IMMP1L: variants seen among roughly 807,000 people sequenced by gnomAD.
IMMP1L encodes mitochondrial inner membrane protease subunit 1.
In IMMP1L, 24 loss-of-function variants were observed where a neutral mutation model predicts 21.8. That is an observed-to-expected ratio of 1.10 (90% confidence interval 0.80 to 1.55). IMMP1L has a LOEUF of 1.55. IMMP1L is among the 40% of genes most tolerant of loss of function. The pLI, the probability that IMMP1L is intolerant of heterozygous loss-of-function variation, is 0.00. For missense variants in IMMP1L, 195 were observed against 200.7 expected (o/e 0.97, Z 0.17); for synonymous variants, 46 against 62.8 (o/e 0.73, Z 1.26).
At chr11:31,458,106 A>C (rs1489712518) in intron 3 of IMMP1L, among the ~76,000 whole-genome samples, 1 of 152,162 alleles carries the variant, frequency 6.6e-6, no homozygotes, top group African/African-American at 2.4e-5. Context: ...TGACCCTTAA[A>C]ACAAACTTTG....
intron 3 of IMMP1L, among the ~76,000 whole-genome samples, chr11:31,458,235 C>T (rs1029744822): frequency 6.6e-6 from 1 of 152,096 alleles, no homozygotes; most frequent in African/African-American, 2.4e-5. Context: ...GATCAAAATA[C>T]ATATCGGCTG....
chr11:31,451,692 ACT>A lies in IMMP1L; in HGVS notation c.321+4566_321+4567del, dbSNP rs149528407. Among the ~76,000 whole-genome samples, 577 of 152,174 alleles carry A rather than the reference ACT, an allele frequency of 3.8e-3. 5 individuals are homozygous for A. Among genetic ancestry groups the A allele is most frequent in the African/African-American group, 0.013 (550 of 41,512 alleles). ...TGAAGATATTAGACAATTAGACATGACTCTGGAGTTCAGGGAAGAGGTTATAC... is the reference window on the plus strand; with the variant it reads ...TGAAGATATTAGACAATTAGACATGACTGGAGTTCAGGGAAGAGGTTATAC... On this transcript the variant is annotated intron_variant, in intron 4 of 5. Coordinates refer to ENST00000532287, the MANE Select transcript of IMMP1L (RefSeq NM_001304274.2).
intron 4 of IMMP1L, among the ~76,000 whole-genome samples, chr11:31,448,166 G>T (rs996449321): frequency 1.3e-5 from 2 of 152,008 alleles, no homozygotes; most frequent in African/African-American, 4.8e-5. Flanking sequence ...AAAATTAGCC[G>T]GGCATGGTGG....
chr11:31,436,678 C>T (rs1354764256), intron 4 of IMMP1L, among the ~76,000 whole-genome samples: 1 of 151,998 alleles, frequency 6.6e-6, no homozygotes, highest in Non-Finnish European at 1.5e-5. Context: ...GCAATCCACC[C>T]GCCTCAGCCT....
At chr11:31,454,147 CTGTATACTTATAAATT>C (rs1196020350) in intron 4 of IMMP1L, among the ~76,000 whole-genome samples, 5 of 152,088 alleles carry the variant, frequency 3.3e-5, no homozygotes, top group Non-Finnish European at 7.4e-5. Context: ...GAATGATGTA[CTGTATACTTATAAATT>C]TGTCCAACAA....
chr11:31,435,588 A>G (rs1953091391), intron 4 of IMMP1L, among the ~76,000 whole-genome samples: 1 of 152,230 alleles, frequency 6.6e-6, no homozygotes, highest in Non-Finnish European at 1.5e-5. Context: ...GCAAAAAATG[A>G]TACCTTTGTC....
chr11:31,508,359 GTC>G (rs1166741883), intron 1 of IMMP1L, among the ~76,000 whole-genome samples: 4 of 152,002 alleles, frequency 2.6e-5, no homozygotes, highest in African/African-American at 7.3e-5. Context: ...ATTACCATAG[GTC>G]TAAAATGACA....
At chr11:31,464,475 A>G (rs931534725) in intron 1 of IMMP1L, among the ~76,000 whole-genome samples, 1 of 152,140 alleles carries the variant, frequency 6.6e-6, no homozygotes, top group African/African-American at 2.4e-5. Context: ...TGCCCAAACC[A>G]GATGCAGGAA....
chr11:31,463,442 G>T, intron 1 of IMMP1L, 137 bp from the exon 2 acceptor site: 2 of 730,170 alleles, frequency 2.7e-6, no homozygotes, highest in Non-Finnish European at 4.1e-6. Flanking sequence ...CCAAGAGTTT[G>T]TTATCAGTTC....
intron 4 of IMMP1L, among the ~76,000 whole-genome samples, chr11:31,455,493 CT>C (rs1191765724): frequency 6.6e-6 from 1 of 152,160 alleles, no homozygotes; most frequent in African/African-American, 2.4e-5. Flanking sequence ...TGTTCTTGCA[CT>C]TTTTCTAGCT....
chr11:31,452,494 C>T (rs1452867569), intron 4 of IMMP1L: 1 of 985,370 alleles, frequency 1.0e-6, no homozygotes. Flanking sequence ...TTCTTATTTG[C>T]TACATGCTCC....
At chr11:31,434,376 C>A (rs2133528662) in intron 4 of IMMP1L, among the ~76,000 whole-genome samples, 1 of 152,092 alleles carries the variant, frequency 6.6e-6, no homozygotes. Context: ...TATTTCTGTT[C>A]AATGTAAACT....
intron 1 of IMMP1L, among the ~76,000 whole-genome samples, chr11:31,483,989 G>C (rs1954985532): frequency 1.3e-5 from 2 of 151,456 alleles, no homozygotes; most frequent in African/African-American, 4.8e-5. Flanking sequence ...AGATAAGCTA[G>C]GAAAGATCAT....
At chr11:31,460,581 G>GGC in intron 3 of IMMP1L, 45 bp downstream of exon 3, 1 of 1,163,704 alleles carries the variant, frequency 8.6e-7, no homozygotes, top group Non-Finnish European at 1.3e-6. Context: ...CAATGTGTGT[G>GGC]TGTATTTTCA....
intron 1 of IMMP1L, among the ~76,000 whole-genome samples, chr11:31,472,365 T>G (rs2133712296): frequency 6.6e-6 from 1 of 152,302 alleles, no homozygotes; most frequent in Non-Finnish European, 1.5e-5. Context: ...CTTATTAGAA[T>G]CAGAAACTTA....
At chr11:31,448,584 T>A (rs564552554) in intron 4 of IMMP1L, among the ~76,000 whole-genome samples, 1 of 152,348 alleles carries the variant, frequency 6.6e-6, no homozygotes, top group East Asian at 1.9e-4. Flanking sequence ...CCAATAGCAC[T>A]AACTTTATAA....
At chr11:31,437,183 T>G (rs7479413) in intron 4 of IMMP1L, 446,276 of 446,384 alleles carry the variant, frequency 1, 223,084 homozygotes, top group Middle Eastern at 1. Flanking sequence ...TCAGGTTTCA[T>G]ATATTTAGAT....
At chr11:31,485,619 T>A (rs1955046446) in intron 1 of IMMP1L, among the ~76,000 whole-genome samples, 1 of 151,880 alleles carries the variant, frequency 6.6e-6, no homozygotes. Flanking sequence ...CTCACCTAAG[T>A]AATACATAAT....
At chr11:31,502,955 CA>C (rs1291931160) in intron 1 of IMMP1L, among the ~76,000 whole-genome samples, 5 of 152,306 alleles carry the variant, frequency 3.3e-5, no homozygotes, top group Admixed American at 3.3e-4. Context: ...CCCTTGGACA[CA>C]TTTACCCTAT....
Sources: allele counts gnomAD v4.1 joint callset (sites outside exome capture counted in the v4.1 genomes callset), GRCh38; gene constraint gnomAD v4.1.1; transcripts MANE v1.5; gene names NCBI Gene and HGNC (gene_info 2026-07-23, HGNC 2026-07-21).